TMEM116: variants seen among roughly 807,000 people sequenced by gnomAD.
TMEM116 encodes the protein transmembrane protein 116.
In TMEM116, 38 loss-of-function variants were observed where a neutral mutation model predicts 44.3. The ratio of observed to expected loss-of-function variants is 0.86; its 90% CI spans 0.66 to 1.12. TMEM116 has a LOEUF of 1.12. Among genes scored for constraint, TMEM116 ranks in the 50% most tolerant of loss-of-function variants. The pLI is 0.00. For missense variants in TMEM116, 354 were observed against 401.7 expected, an observed-to-expected ratio of 0.88 and a Z score of 1.01; for synonymous variants, 132 against 144.8, an observed-to-expected ratio of 0.91 and a Z score of 0.64.
intron 4 of TMEM116, among the ~76,000 whole-genome samples, chr12:111,949,314 AT>A (rs887516446): frequency 6.6e-6 from 1 of 152,248 alleles, no homozygotes; most frequent in Non-Finnish European, 1.5e-5. Flanking sequence ...AATATAGTTG[AT>A]TCCACAAGTT....
intron 10 of TMEM116, 141 bp downstream of exon 10, chr12:111,932,445 A>T: frequency 1.4e-6 from 1 of 705,130 alleles, no homozygotes; most frequent in Non-Finnish European, 2.4e-6. Flanking sequence ...ATTCTTCATA[A>T]CTGAGTGTAA....
At chr12:111,956,256 T>C (rs572193638) in intron 4 of TMEM116, among the ~76,000 whole-genome samples, 4 of 152,252 alleles carry the variant, frequency 2.6e-5, no homozygotes, top group East Asian at 3.9e-4. Context: ...GGTTATAATA[T>C]AAGAAGTGAA....
At chr12:111,958,909 G>T (rs1053317968) in intron 4 of TMEM116, among the ~76,000 whole-genome samples, 5 of 152,162 alleles carry the variant, frequency 3.3e-5, no homozygotes, top group African/African-American at 1.2e-4. Flanking sequence ...ATGGAACCAA[G>T]ATGGAAAATA....
intron 4 of TMEM116, among the ~76,000 whole-genome samples, chr12:111,983,489 C>T (rs576846743): frequency 7.3e-5 from 11 of 151,260 alleles, no homozygotes; most frequent in African/African-American, 2.2e-4. Context: ...ATGCACTACG[C>T]GGGGGTCTGA....
chr12:111,995,937 G>T (rs2076909134), intron 3 of TMEM116, among the ~76,000 whole-genome samples: 1 of 151,308 alleles, frequency 6.6e-6, no homozygotes, highest in Non-Finnish European at 1.5e-5. Flanking sequence ...CTACTTGGGA[G>T]TCTGAGGCAG....
At chr12:111,934,889 T>C (rs954280548) in intron 8 of TMEM116, 2 of 152,202 alleles carry the variant, frequency 1.3e-5, no homozygotes, top group Non-Finnish European at 2.9e-5. Context: ...AAGTCCAATG[T>C]GTTTTTTTGC....
chr12:111,956,795 G>A (rs894585469), intron 4 of TMEM116, among the ~76,000 whole-genome samples: 8 of 152,188 alleles, frequency 5.3e-5, no homozygotes, highest in Admixed American at 4.6e-4. Context: ...GATTGCAGAC[G>A]GAGTCTCGCT....
At chr12:111,940,567 GTATA>G (rs138347540) in intron 5 of TMEM116, among the ~76,000 whole-genome samples, 3 of 130,202 alleles carry the variant, frequency 2.3e-5, no homozygotes, top group Admixed American at 8.1e-5. Context: ...ATATATGTGT[GTATA>G]TATATATATA....
intron 4 of TMEM116, among the ~76,000 whole-genome samples, chr12:111,964,160 G>C (rs2074817316): frequency 6.7e-6 from 1 of 149,966 alleles, no homozygotes; most frequent in African/African-American, 2.4e-5. Context: ...AAAAGTAAAG[G>C]CTGGGTGCGG....
chr12:111,963,713 G>T (rs1483002050), intron 4 of TMEM116, among the ~76,000 whole-genome samples: 1 of 152,066 alleles, frequency 6.6e-6, no homozygotes, highest in African/African-American at 2.4e-5. Flanking sequence ...AATACCTAAT[G>T]GAGATGATGG....
intron 3 of TMEM116, chr12:112,000,934 C>A: frequency 2.5e-6 from 1 of 404,944 alleles, no homozygotes. Flanking sequence ...ATGGCGATGG[C>A]ACTGACACAG....
chr12:111,967,303 C>T (rs934895517), intron 4 of TMEM116, among the ~76,000 whole-genome samples: 11 of 152,040 alleles, frequency 7.2e-5, no homozygotes, highest in Non-Finnish European at 1.2e-4. Flanking sequence ...CTTTCTTTAC[C>T]ATTGCTCTCC....
chr12:111,992,443 G>A (rs1027426441), intron 3 of TMEM116, among the ~76,000 whole-genome samples: 5 of 151,900 alleles, frequency 3.3e-5, no homozygotes, highest in Admixed American at 6.6e-5. Context: ...CTAATTTTTT[G>A]TATTTTTAGT....
intron 8 of TMEM116, 146 bp downstream of exon 8, chr12:111,936,546 A>G: frequency 1.3e-6 from 1 of 774,648 alleles, no homozygotes; most frequent in South Asian, 2.4e-5. Flanking sequence ...GGCAGTAATT[A>G]TATTGTCAAG....
rs542192361 is a variant in TMEM116, at chr12:111,957,565, C to T, written c.211-14196G>A. Among the ~76,000 whole-genome samples, 7 of 151,494 alleles carry T rather than the reference C, an allele frequency of 4.6e-5. No homozygotes were observed. The South Asian group carries it at 1.0e-3, about 23-fold the overall frequency. On this transcript the variant is annotated intron_variant, in intron 4 of 10. Transcript: ENST00000552374. Reference sequence around the variant, plus strand: ...GCAGCCCCCGCCCAGCCAGCCGCCCCGTCTGGGAGGTGGGGGCCAGCCCCC... The same window carrying T: ...GCAGCCCCCGCCCAGCCAGCCGCCCTGTCTGGGAGGTGGGGGCCAGCCCCC...
chr12:111,965,794 G>A (rs1197923583), intron 4 of TMEM116: 1 of 344,594 alleles, frequency 2.9e-6, no homozygotes, highest in South Asian at 2.3e-5. Context: ...GCCTTAGCCA[G>A]GCATGGTGGC....
intron 4 of TMEM116, among the ~76,000 whole-genome samples, chr12:111,981,169 A>C (rs556107372): frequency 6.6e-6 from 1 of 152,340 alleles, no homozygotes; most frequent in Non-Finnish European, 1.5e-5. Flanking sequence ...ACATCACAGA[A>C]AGTGATGGAG....
intron 4 of TMEM116, among the ~76,000 whole-genome samples, chr12:111,990,860 T>C (rs2076521383): frequency 6.6e-6 from 1 of 152,202 alleles, no homozygotes; most frequent in East Asian, 1.9e-4. Context: ...CAAATGATGT[T>C]ATAGAAAAGT....
At chr12:112,000,860 G>A (rs1188570085) in intron 3 of TMEM116, 5 of 458,276 alleles carry the variant, frequency 1.1e-5, no homozygotes, top group East Asian at 5.9e-5. Context: ...GCTCCTCCCC[G>A]AATCCACCAA....
Sources: allele counts gnomAD v4.1 joint callset (sites outside exome capture counted in the v4.1 genomes callset), GRCh38; gene constraint gnomAD v4.1.1; transcripts MANE v1.5; gene names NCBI Gene and HGNC (gene_info 2026-07-23, HGNC 2026-07-21).